MIPOL1: variants seen among roughly 807,000 people sequenced by gnomAD.
The protein encoded by MIPOL1 is mirror-image polydactyly gene 1 protein.
In MIPOL1, 57 loss-of-function variants were observed where a neutral mutation model predicts 60.9. The ratio of observed to expected loss-of-function variants is 0.94; its 90% CI spans 0.76 to 1.17. The LOEUF (loss-of-function observed/expected upper bound fraction) is 1.17, where lower values mean the gene tolerates loss of function less well. Among genes scored for constraint, MIPOL1 ranks in the 50% most tolerant of loss-of-function variants. The probability of loss-of-function intolerance (pLI) is 0.00; values close to 1 mark genes in which losing one functional copy is unlikely to be tolerated. For synonymous variants in MIPOL1, 179 were observed against 168.8 expected (o/e 1.06, Z -0.47); for missense variants, 551 against 511.6 (o/e 1.08, Z -0.74).
chr14:37,335,179 T>C (rs543597920), intron 9 of MIPOL1, among the ~76,000 whole-genome samples: 3 of 152,228 alleles, frequency 2.0e-5, no homozygotes, highest in East Asian at 1.9e-4. Context: ...GTTACTATCA[T>C]TCTTTTTATT....
chr14:37,411,272 A>G lies in MIPOL1; in HGVS notation c.937-11583A>G, dbSNP rs980548797. Among the ~76,000 whole-genome samples the G allele has an allele frequency of 3.0e-4, 45 of 152,252 alleles. 1 individual carries two copies. Among genetic ancestry groups the G allele is most frequent in the African/African-American group, 9.9e-4 (41 of 41,582 alleles). On this transcript the variant is annotated intron_variant, in intron 10 of 12. Transcript: ENST00000684589. ...CCTGACAGAATGGTTTCCTGTTGCA[A>G]TGCAGTGATGTTACACAACACATGA...
At chr14:37,480,672 T>C (rs1285254569) in intron 11 of MIPOL1, among the ~76,000 whole-genome samples, 1 of 152,134 alleles carries the variant, frequency 6.6e-6, no homozygotes, top group Non-Finnish European at 1.5e-5. Context: ...GCTCTCACCA[T>C]TTCTTTTCCA....
intron 11 of MIPOL1, among the ~76,000 whole-genome samples, chr14:37,443,700 C>T (rs1338007539): frequency 7.1e-6 from 1 of 140,734 alleles, no homozygotes; most frequent in Non-Finnish European, 1.5e-5. Flanking sequence ...TAGATGAGGG[C>T]ATTACAAGAA....
intron 10 of MIPOL1, chr14:37,385,564 A>G (rs1479205298): frequency 6.6e-6 from 1 of 152,072 alleles, no homozygotes; most frequent in African/African-American, 2.4e-5. Flanking sequence ...TTTTTATAGT[A>G]CAGAAAAAGA....
chr14:37,285,300 C>T lies in MIPOL1; in HGVS notation c.494-18C>T, dbSNP rs753585167. The T allele has an allele frequency of 1.9e-6, 3 of 1,613,282 alleles. No individual in the cohort carries two copies. Among genetic ancestry groups the T allele is most frequent in the Non-Finnish European group, 2.5e-6 (3 of 1,179,654 alleles). ...TTTATTTTGTATGATTGATTGTGCG[C>T]TTTATATATTTTGGTAGCTCTGGTT... On this transcript the variant is annotated intron_variant, in intron 6 of 12. Transcript: ENST00000684589.
intron 7 of MIPOL1, among the ~76,000 whole-genome samples, chr14:37,289,794 G>A (rs2084899453): frequency 1.3e-5 from 2 of 152,284 alleles, no homozygotes; most frequent in Middle Eastern, 6.8e-3. Context: ...GTTGGGGGTT[G>A]AAGCTCAAAG....
intron 12 of MIPOL1, among the ~76,000 whole-genome samples, chr14:37,514,151 G>T (rs2095350873): frequency 6.6e-6 from 1 of 152,032 alleles, no homozygotes; most frequent in African/African-American, 2.4e-5. Flanking sequence ...TGAAATATAA[G>T]TTCCTTAGAG....
intron 10 of MIPOL1, among the ~76,000 whole-genome samples, chr14:37,409,154 G>T (rs2093640573): frequency 6.6e-6 from 1 of 151,994 alleles, no homozygotes; most frequent in African/African-American, 2.4e-5. Context: ...TAGTCCAGCA[G>T]GATTCCCAAG....
At chr14:37,302,682 G>T (rs1040000458) in intron 7 of MIPOL1, among the ~76,000 whole-genome samples, 19 of 117,536 alleles carry the variant, frequency 1.6e-4, no homozygotes, top group South Asian at 5.3e-4. Context: ...ACCACCATTT[G>T]TTGGAAAGGC....
At chr14:37,420,108 A>C (rs2093845477) in intron 10 of MIPOL1, among the ~76,000 whole-genome samples, 1 of 151,938 alleles carries the variant, frequency 6.6e-6, no homozygotes, top group Admixed American at 6.6e-5. Context: ...AAAAAAAAAA[A>C]GCAAGGTGTG....
chr14:37,495,487 C>G (rs375860993), intron 11 of MIPOL1, among the ~76,000 whole-genome samples: 3 of 150,264 alleles, frequency 2.0e-5, no homozygotes, highest in South Asian at 2.1e-4. Context: ...TGCATAGTAT[C>G]CCATGGTGTA....
intron 11 of MIPOL1, among the ~76,000 whole-genome samples, chr14:37,448,618 C>T (rs2094372446): frequency 1.3e-5 from 2 of 152,106 alleles, no homozygotes; most frequent in Non-Finnish European, 2.9e-5. Flanking sequence ...CACTGTATTC[C>T]ATAGCATAAA....
chr14:37,508,998 C>T (rs987523645), intron 12 of MIPOL1, among the ~76,000 whole-genome samples: 2 of 152,046 alleles, frequency 1.3e-5, no homozygotes, highest in African/African-American at 2.4e-5. Context: ...ACTTCCCTGA[C>T]TGTTCCTACT....
At chr14:37,470,037 T>C (rs1349717463) in intron 11 of MIPOL1, among the ~76,000 whole-genome samples, 1 of 151,992 alleles carries the variant, frequency 6.6e-6, no homozygotes, top group African/African-American at 2.4e-5. Context: ...GAGAGATAAA[T>C]ATTAAGGATG....
intron 1 of MIPOL1, among the ~76,000 whole-genome samples, chr14:37,230,999 C>G (rs1206051630): frequency 1.3e-5 from 2 of 152,010 alleles, no homozygotes; most frequent in African/African-American, 4.8e-5. Flanking sequence ...AGAATGTGTA[C>G]AGTTGATTGG....
At chr14:37,247,649 A>C (rs926412030) in intron 2 of MIPOL1, 180 bp from the exon 3 acceptor site, 1 of 460,474 alleles carries the variant, frequency 2.2e-6, no homozygotes, top group Non-Finnish European at 3.9e-6. Flanking sequence ...TGTGAAGAAA[A>C]GAACCTTTTT....
intron 11 of MIPOL1, among the ~76,000 whole-genome samples, chr14:37,448,839 A>T (rs1404494822): frequency 6.6e-6 from 1 of 152,202 alleles, no homozygotes; most frequent in Non-Finnish European, 1.5e-5. Flanking sequence ...GGACTCTTTC[A>T]TATGTATGGA....
At chr14:37,275,864 A>G (rs1396199721) in intron 6 of MIPOL1, among the ~76,000 whole-genome samples, 1 of 151,122 alleles carries the variant, frequency 6.6e-6, no homozygotes, top group Admixed American at 6.6e-5. Flanking sequence ...GCATGGAGAG[A>G]TTATGAATGA....
intron 1 of MIPOL1, among the ~76,000 whole-genome samples, chr14:37,199,031 G>A (rs1964793756): frequency 6.6e-6 from 1 of 152,114 alleles, no homozygotes; most frequent in Admixed American, 6.5e-5. Flanking sequence ...ATTGATGGGA[G>A]GTAATGATGG....
Sources: gnomAD v4.1 joint callset for allele counts (sites outside exome capture counted in the v4.1 genomes callset) on GRCh38, gnomAD v4.1.1 for gene constraint, MANE v1.5 for transcripts, NCBI Gene and HGNC (gene_info 2026-07-23, HGNC 2026-07-21) for gene names.